The following KCNU1 variants were observed in gnomAD, a reference collection of about 807,000 sequenced individuals.
KCNU1 encodes the protein potassium channel subfamily U member 1.
In KCNU1, 93 loss-of-function variants were observed where a neutral mutation model predicts 126.8. The ratio of observed to expected loss-of-function variants is 0.73; its 90% CI spans 0.62 to 0.87. The LOEUF is 0.87. Among genes scored for constraint, KCNU1 ranks in the 40% least tolerant of loss-of-function variants. The pLI, the probability that KCNU1 is intolerant of heterozygous loss-of-function variation, is 0.00. For missense variants in KCNU1, 1,330 were observed against 1,367.1 expected (o/e 0.97, Z 0.43); for synonymous variants, 523 against 494.2 (o/e 1.06, Z -0.77).
intron 4 of KCNU1, among the ~76,000 whole-genome samples, chr8:36,805,495 C>T (rs1217374681): frequency 6.6e-6 from 1 of 152,182 alleles, no homozygotes; most frequent in Non-Finnish European, 1.5e-5. Flanking sequence ...TCCAACACAA[C>T]ACGAAAGTAA....
At chr8:36,816,297 T>A (rs1055117308) in intron 9 of KCNU1, among the ~76,000 whole-genome samples, 10 of 152,172 alleles carry the variant, frequency 6.6e-5, no homozygotes, top group South Asian at 2.1e-4. Flanking sequence ...TATTTCTTCT[T>A]GGATTCATGT....
intron 18 of KCNU1, among the ~76,000 whole-genome samples, chr8:36,857,359 G>A (rs867447375): frequency 6.6e-6 from 1 of 152,166 alleles, no homozygotes; most frequent in South Asian, 2.1e-4. Context: ...AACACAGAGT[G>A]GGAAGGGGAT....
chr8:36,834,549 C>A (rs1434878565), intron 11 of KCNU1, among the ~76,000 whole-genome samples: 1 of 152,194 alleles, frequency 6.6e-6, no homozygotes, highest in African/African-American at 2.4e-5. Flanking sequence ...TGAAAGCAAT[C>A]TTTTACCTAT....
intron 10 of KCNU1, among the ~76,000 whole-genome samples, chr8:36,825,239 G>A (rs1804275762): frequency 2.0e-5 from 3 of 152,040 alleles, no homozygotes; most frequent in Admixed American, 2.0e-4. Flanking sequence ...TTACTAGTGA[G>A]GCCAAGCATC....
intron 19 of KCNU1, among the ~76,000 whole-genome samples, chr8:36,881,476 C>T (rs915758468): frequency 8.5e-5 from 13 of 152,110 alleles, no homozygotes; most frequent in African/African-American, 3.1e-4. Flanking sequence ...CTCCCACCTT[C>T]ACTTCCCAAA....
At chr8:36,887,456 T>TTG (rs1806756589) in intron 19 of KCNU1, among the ~76,000 whole-genome samples, 1 of 150,340 alleles carries the variant, frequency 6.7e-6, no homozygotes. Context: ...TTTTTTGTTT[T>TTG]TTTTTTTTTT....
At chr8:36,786,053 T>G (rs952393288) in intron 1 of KCNU1, among the ~76,000 whole-genome samples, 1 of 151,956 alleles carries the variant, frequency 6.6e-6, no homozygotes, top group Non-Finnish European at 1.5e-5. Context: ...ATTTGTTTTA[T>G]TACATCAAAT....
chr8:36,812,078 A>G (rs926183978), intron 7 of KCNU1, among the ~76,000 whole-genome samples: 6 of 150,602 alleles, frequency 4.0e-5, no homozygotes, highest in African/African-American at 1.5e-4. Context: ...AACAAACAAC[A>G]AAAAAACTCT....
intron 19 of KCNU1, among the ~76,000 whole-genome samples, chr8:36,883,514 T>A (rs543042243): frequency 6.6e-6 from 1 of 152,326 alleles, no homozygotes; most frequent in East Asian, 1.9e-4. Flanking sequence ...CTTGGCAACA[T>A]GGTTCATGCC....
intron 24 of KCNU1, among the ~76,000 whole-genome samples, chr8:36,924,899 A>G (rs1808482832): frequency 6.6e-6 from 1 of 152,164 alleles, no homozygotes; most frequent in Non-Finnish European, 1.5e-5. Flanking sequence ...GCAGGAATAG[A>G]GCCACAGATT....
chr8:36,925,694 G>A (rs1050306929), intron 24 of KCNU1, among the ~76,000 whole-genome samples: 2 of 152,060 alleles, frequency 1.3e-5, no homozygotes, highest in African/African-American at 4.8e-5. Context: ...TTTGATTTTG[G>A]GTGGACTCTG....
chr8:36,814,494 A>T, intron 8 of KCNU1, 117 bp downstream of exon 8: 1 of 728,324 alleles, frequency 1.4e-6, no homozygotes, highest in African/African-American at 1.8e-5. Context: ...CTTGGGGCAC[A>T]TGTCAAGGGC....
intron 18 of KCNU1, among the ~76,000 whole-genome samples, chr8:36,849,273 A>G (rs1805260205): frequency 6.6e-6 from 1 of 152,164 alleles, no homozygotes; most frequent in South Asian, 2.1e-4. Flanking sequence ...CCTTTTATTC[A>G]GCCATGCTGT....
intron 26 of KCNU1, 38 bp downstream of exon 26, chr8:36,933,070 C>T (rs1278214578): frequency 5.7e-6 from 7 of 1,236,990 alleles, no homozygotes; most frequent in Non-Finnish European, 8.1e-6. Flanking sequence ...TCCACCCATT[C>T]AAGCATAAGA....
In KCNU1 at chr8:36,935,758, T is replaced by TA; in HGVS notation, c.3290dup (p.Asn1097LysfsTer7). On this transcript the variant is annotated frameshift_variant, in exon 27 of 27. Coordinates refer to ENST00000399881, the MANE Select transcript of KCNU1 (RefSeq NM_001031836.3). LOFTEE classifies it low-confidence loss of function (END_TRUNC). ...CAGTCTATTCTTACCAGCCGAGAAC[T>TA]AACTCCCTCTCTTTTCCTAAGCAAA... The TA allele has an allele frequency of 6.2e-7, 1 of 1,613,568 alleles. No homozygotes were observed. Among genetic ancestry groups the TA allele is most frequent in the Non-Finnish European group, 8.5e-7 (1 of 1,179,582 alleles).
rs144923689 is a variant in KCNU1 at position 36,789,924 on chromosome 8, G to A, written c.315+2499G>A. Among the ~76,000 whole-genome samples, 288 of 152,320 alleles carry A rather than the reference G, an allele frequency of 1.9e-3. 1 individual carries two copies. Among genetic ancestry groups the A allele is most frequent in the African/African-American group, 6.7e-3 (278 of 41,566 alleles). On this transcript the variant is annotated intron_variant, in intron 2 of 26. Transcript: ENST00000399881. ...GACATGGAGGGCAGGGGACAGCGAG[G>A]TCTGAGAAGAGACTGGAAAATGGCA...
chr8:36,804,427 G>A (rs1018385444), intron 3 of KCNU1, among the ~76,000 whole-genome samples: 1 of 152,036 alleles, frequency 6.6e-6, no homozygotes, highest in Non-Finnish European at 1.5e-5. Context: ...TATGTCTTTG[G>A]TTTCCTTAGA....
intron 24 of KCNU1, among the ~76,000 whole-genome samples, chr8:36,930,077 T>C (rs531755948): frequency 6.6e-6 from 1 of 152,244 alleles, no homozygotes; most frequent in South Asian, 2.1e-4. Context: ...TTAGATAATA[T>C]ATAAAATAGA....
chr8:36,920,836 A>T (rs1585568060), intron 23 of KCNU1, among the ~76,000 whole-genome samples: 1 of 152,348 alleles, frequency 6.6e-6, no homozygotes, highest in East Asian at 1.9e-4. Flanking sequence ...CTCATCTTTT[A>T]TGAAAATAAA....
Sources: allele counts gnomAD v4.1 joint callset (sites outside exome capture counted in the v4.1 genomes callset), GRCh38; gene constraint gnomAD v4.1.1; transcripts MANE v1.5; gene names NCBI Gene and HGNC (gene_info 2026-07-23, HGNC 2026-07-21).